Variants in ZC3H12B observed in about 807,000 individuals in gnomAD.
The protein encoded by ZC3H12B is zinc finger CCCH-type containing 12B, also known as probable ribonuclease ZC3H12B.
A neutral mutation model predicts 43.9 loss-of-function variants in ZC3H12B; 7 were observed. The ratio of observed to expected loss-of-function variants is 0.16; its 90% confidence interval spans 0.09 to 0.30. ZC3H12B has a LOEUF of 0.30. ZC3H12B is among the 10% of genes least tolerant of loss of function. The pLI, the probability that ZC3H12B is intolerant of heterozygous loss-of-function variation, is 1.00. For missense variants in ZC3H12B, 475 were observed against 670.2 expected (o/e 0.71, Z 3.22); for synonymous variants, 222 against 241.7 (o/e 0.92, Z 0.76).
the ZC3H12B span, among the ~76,000 whole-genome samples, chrX:65,332,612 C>T: frequency 1.8e-5 from 2 of 111,367 alleles, no homozygotes; most frequent in South Asian, 7.5e-4. Context: ...TTTTATATTA[C>T]CTATCCCTCT....
chrX:65,067,626 G>T, the ZC3H12B span, among the ~76,000 whole-genome samples: 1 of 111,046 alleles, frequency 9.0e-6, no homozygotes, highest in Non-Finnish European at 1.9e-5. Flanking sequence ...TTATTTATTT[G>T]TATTTTCACT....
chrX:65,174,339 C>G, the ZC3H12B span, among the ~76,000 whole-genome samples: 12 of 112,432 alleles, frequency 1.1e-4, no homozygotes, highest in Non-Finnish European at 1.3e-4. Context: ...TTTTATCCAT[C>G]CAAGGATTGA....
intron 3 of ZC3H12B, among the ~76,000 whole-genome samples, chrX:65,472,825 G>GATTGATATATATAT (rs2067935778): frequency 9.5e-5 from 3 of 31,583 alleles, no homozygotes; most frequent in African/African-American, 4.3e-4. Context: ...CCATACCTTT[G>GATTGATATATATAT]ATATATATAT....
the ZC3H12B span, among the ~76,000 whole-genome samples, chrX:65,303,340 A>C: frequency 9.0e-6 from 1 of 111,658 alleles, no homozygotes. Context: ...ACAAACCTGC[A>C]TGTGTACCGC....
the ZC3H12B span, among the ~76,000 whole-genome samples, chrX:65,050,785 A>T: frequency 9.0e-6 from 1 of 111,720 alleles, no homozygotes; most frequent in Non-Finnish European, 1.9e-5. Context: ...CTTGGCCATG[A>T]TTTATAATCC....
chrX:65,454,730 G>C (rs961388407), intron 3 of ZC3H12B, among the ~76,000 whole-genome samples: 8 of 111,681 alleles, frequency 7.2e-5, no homozygotes, highest in African/African-American at 2.3e-4. Context: ...GCACACCCCA[G>C]TAGGGGCAGA....
At chrX:65,306,872 A>C in the ZC3H12B span, among the ~76,000 whole-genome samples, 1 of 112,507 alleles carries the variant, frequency 8.9e-6, no homozygotes, top group African/African-American at 3.2e-5. Flanking sequence ...ACATGCCACA[A>C]ATTAGATAAA....
chrX:65,213,676 T>C, the ZC3H12B span, among the ~76,000 whole-genome samples: 1 of 110,484 alleles, frequency 9.1e-6, no homozygotes, highest in Non-Finnish European at 1.9e-5. Context: ...ATTTCTCAAA[T>C]TACTGATGAA....
the ZC3H12B span, among the ~76,000 whole-genome samples, chrX:65,102,276 T>C: frequency 9.0e-6 from 1 of 111,607 alleles, no homozygotes; most frequent in South Asian, 3.7e-4. Flanking sequence ...ATAGCCAATA[T>C]CATACCAAAT....
chrX:65,325,428 A>T, the ZC3H12B span, among the ~76,000 whole-genome samples: 1 of 111,886 alleles, frequency 8.9e-6, no homozygotes, highest in Non-Finnish European at 1.9e-5. Flanking sequence ...AGAAACAAAA[A>T]TCAATAGATT....
Position 65,453,484 on chromosome X carries a change from G to A in ZC3H12B, n.408-35162G>A, listed in dbSNP as rs540520174. On this transcript the variant is annotated intron_variant and non_coding_transcript_variant, in intron 3 of 5. Transcript: ENST00000617377. The stretch of plus-strand genomic sequence containing the variant: ...GCCTGTAATTCCAGCACTTTGGGAG[G>A]CCAGGGCAGGTGGATCACCTGAGAT... Among the ~76,000 whole-genome samples, 100 of 101,490 alleles carry A rather than the reference G, an allele frequency of 9.9e-4. 1 individual carries two copies. The highest frequency in any genetic ancestry group is 0.01 in the Middle Eastern group (2 of 195). The allele number at this position is 101,490 out of a possible 115,157, so 88.1% of individuals were successfully genotyped here. A position where few individuals can be genotyped will look rare whatever the true frequency, so the allele number is the denominator to read the frequency against.
At chrX:65,414,419 T>C (rs2066937578) in intron 3 of ZC3H12B, among the ~76,000 whole-genome samples, 1 of 111,847 alleles carries the variant, frequency 8.9e-6, no homozygotes, top group Non-Finnish European at 1.9e-5. Context: ...TTTATGGTGG[T>C]GTTCAAGTTC....
chrX:65,413,841 G>A (rs988415553), intron 3 of ZC3H12B, among the ~76,000 whole-genome samples: 3 of 111,711 alleles, frequency 2.7e-5, no homozygotes, highest in Non-Finnish European at 5.7e-5. Context: ...TTGTAAATTT[G>A]GTAGACATTC....
the ZC3H12B span, among the ~76,000 whole-genome samples, chrX:65,125,471 C>G: frequency 9.0e-6 from 1 of 111,315 alleles, no homozygotes; most frequent in East Asian, 2.8e-4. Context: ...GTAGAATGTT[C>G]TGTAATTATC....
the ZC3H12B span, among the ~76,000 whole-genome samples, chrX:65,241,382 C>G: frequency 9.1e-6 from 1 of 109,782 alleles, no homozygotes; most frequent in Non-Finnish European, 1.9e-5. Context: ...TCATGAGGAC[C>G]ACCTGGACTC....
chrX:65,111,029 C>A, the ZC3H12B span, among the ~76,000 whole-genome samples: 3 of 110,951 alleles, frequency 2.7e-5, no homozygotes, highest in South Asian at 1.1e-3. Context: ...TTTTGTTGTT[C>A]ACATGGTCAT....
the ZC3H12B span, among the ~76,000 whole-genome samples, chrX:65,136,050 A>G: frequency 9.0e-6 from 1 of 111,594 alleles, no homozygotes; most frequent in African/African-American, 3.3e-5. Flanking sequence ...TATTAATTGT[A>G]TTTTAAAATT....
chrX:65,397,999 AAAAG>A (rs1932618176), intron 2 of ZC3H12B, among the ~76,000 whole-genome samples: 1 of 112,141 alleles, frequency 8.9e-6, no homozygotes, highest in Non-Finnish European at 1.9e-5. Context: ...AATATTCTGA[AAAAG>A]AAATCATGAA....
At chrX:65,306,197 A>G in the ZC3H12B span, among the ~76,000 whole-genome samples, 1 of 112,184 alleles carries the variant, frequency 8.9e-6, no homozygotes, top group Non-Finnish European at 1.9e-5. Flanking sequence ...TGTTACAAAT[A>G]TATTTTTTAA....
Sources: gnomAD v4.1 joint callset for allele counts (sites outside exome capture counted in the v4.1 genomes callset) on GRCh38, gnomAD v4.1.1 for gene constraint, MANE v1.5 for transcripts, NCBI Gene and HGNC (gene_info 2026-07-23, HGNC 2026-07-21) for gene names.